PREX1: variants seen among roughly 807,000 people sequenced by gnomAD.
PREX1 encodes phosphatidylinositol 3,4,5-trisphosphate-dependent Rac exchanger 1 protein.
A neutral mutation model predicts 198.3 loss-of-function variants in PREX1; 41 were observed. The observed-to-expected ratio is 0.21, with a 90% confidence interval of 0.16 to 0.27. PREX1 has a LOEUF of 0.27. PREX1 is among the 10% of genes least tolerant of loss of function. The pLI is 1.00. For missense variants in PREX1, 1,620 were observed against 2,200.7 expected (o/e 0.74, Z 5.28); for synonymous variants, 843 against 887.2 (o/e 0.95, Z 0.89).
In PREX1 at chr20:48,760,111, CA is replaced by C. The variant is rs879506997; in HGVS notation, c.220-12232del. Among the ~76,000 whole-genome samples the C allele has an allele frequency of 3.3e-3, 442 of 134,786 alleles. 1 individual carries two copies. The highest frequency in any genetic ancestry group is 5.8e-3 in the African/African-American group (213 of 36,554). 88.4% of individuals were successfully genotyped at this position (134,786 alleles called of 152,430 possible). On this transcript the variant is annotated intron_variant, in intron 1 of 39. Coordinates refer to ENST00000371941, the MANE Select transcript of PREX1 (RefSeq NM_020820.4). ...TGGATGACAAAGCAAGACCCTGCCT[CA>C]AAAAAAAAAAAGCATTGGCTATTAT...
At chr20:48,859,186 C>CCA in the PREX1 span, among the ~76,000 whole-genome samples, 2 of 152,152 alleles carry the variant, frequency 1.3e-5, no homozygotes, top group East Asian at 3.8e-4. Flanking sequence ...CAGGTGGGAG[C>CCA]CACAGCACTT....
At chr20:48,783,183 A>G (rs1187526735) in intron 1 of PREX1, among the ~76,000 whole-genome samples, 2 of 152,172 alleles carry the variant, frequency 1.3e-5, no homozygotes, top group Non-Finnish European at 2.9e-5. Context: ...TACCATTTGT[A>G]AAGTGTGTGA....
chr20:48,826,490 A>C (rs2090509481), intron 1 of PREX1, among the ~76,000 whole-genome samples: 1 of 152,020 alleles, frequency 6.6e-6, no homozygotes, highest in Admixed American at 6.6e-5. Context: ...AAAGCCCAGT[A>C]CCCCCACTTA....
intron 39 of PREX1, among the ~76,000 whole-genome samples, chr20:48,626,272 C>T (rs1186840036): frequency 1.3e-5 from 2 of 152,206 alleles, no homozygotes; most frequent in Non-Finnish European, 2.9e-5. Flanking sequence ...CTTGCTCTAT[C>T]CTGGGAAACT....
At chr20:48,721,967 G>C (rs954677480) in intron 5 of PREX1, among the ~76,000 whole-genome samples, 1 of 152,128 alleles carries the variant, frequency 6.6e-6, no homozygotes, top group African/African-American at 2.4e-5. Flanking sequence ...GGGGATGGAG[G>C]GGGTGGTGGG....
chr20:48,661,433 AAAAAAAAAAAAATATATAT>A (rs1298205344), intron 15 of PREX1, among the ~76,000 whole-genome samples: 2 of 107,910 alleles, frequency 1.9e-5, no homozygotes, highest in Non-Finnish European at 3.4e-5. Flanking sequence ...AAAAAAAAAA[AAAAAAAAAAAAATATATAT>A]ATATATATAT....
intron 20 of PREX1, 149 bp from the exon 21 acceptor site, chr20:48,652,855 G>T: frequency 1.0e-6 from 1 of 963,988 alleles, no homozygotes; most frequent in South Asian, 1.8e-5. Context: ...CACAGTCTAT[G>T]CTCCATACAG....
chr20:48,659,644 G>C lies in PREX1; in HGVS notation c.1881+275C>G, dbSNP rs542892484. Among the ~76,000 whole-genome samples the C allele has an allele frequency of 2.1e-3, 321 of 152,208 alleles. 2 individuals are homozygous for C. Among genetic ancestry groups the C allele is most frequent in the African/African-American group, 7.4e-3 (308 of 41,526 alleles). ...GTATGCAGGATGAGTTGCTTCAGGA[G>C]GCCAACCTCTCTATACAGTGTACGG... On this transcript the variant is annotated intron_variant, in intron 16 of 39. Coordinates refer to ENST00000371941, the MANE Select transcript of PREX1 (RefSeq NM_020820.4).
intron 14 of PREX1, among the ~76,000 whole-genome samples, chr20:48,675,618 G>A (rs1331025368): frequency 1.3e-5 from 2 of 152,202 alleles, no homozygotes; most frequent in African/African-American, 2.4e-5. Context: ...GACTGGAGGA[G>A]GGGGAGTGGA....
chr20:48,670,548 A>T (rs1344886490), intron 14 of PREX1, among the ~76,000 whole-genome samples: 1 of 152,212 alleles, frequency 6.6e-6, no homozygotes, highest in Non-Finnish European at 1.5e-5. Context: ...ACACAGACCC[A>T]GAAATCACCC....
chr20:48,654,436 T>C (rs1198655904), intron 19 of PREX1, among the ~76,000 whole-genome samples: 5 of 152,250 alleles, frequency 3.3e-5, no homozygotes, highest in Admixed American at 3.3e-4. Flanking sequence ...TGTGTGGTTC[T>C]CTGGGGCTGT....
intron 1 of PREX1, among the ~76,000 whole-genome samples, chr20:48,772,459 C>T (rs535366699): frequency 6.6e-6 from 1 of 152,262 alleles, no homozygotes; most frequent in South Asian, 2.1e-4. Context: ...AAGAGATGCC[C>T]CAGCCCAAGC....
chr20:48,857,751 T>C, the PREX1 span, among the ~76,000 whole-genome samples: 3 of 152,024 alleles, frequency 2.0e-5, no homozygotes, highest in Non-Finnish European at 4.4e-5. Flanking sequence ...CCAGCCTGGG[T>C]GACAGAGTAA....
intron 9 of PREX1, among the ~76,000 whole-genome samples, chr20:48,689,971 C>G (rs1394536467): frequency 6.6e-6 from 1 of 152,010 alleles, no homozygotes; most frequent in Non-Finnish European, 1.5e-5. Context: ...ACTTGTTGAT[C>G]TATTGAATTT....
At chr20:48,644,018 G>T (rs572159524) in intron 27 of PREX1, among the ~76,000 whole-genome samples, 1 of 152,248 alleles carries the variant, frequency 6.6e-6, no homozygotes, top group East Asian at 1.9e-4. Flanking sequence ...TTGGATTTTC[G>T]GTTTACACAT....
intron 39 of PREX1, among the ~76,000 whole-genome samples, chr20:48,627,162 G>A (rs182950002): frequency 6.6e-6 from 1 of 152,142 alleles, no homozygotes; most frequent in African/African-American, 2.4e-5. Flanking sequence ...TTCCACCCCA[G>A]GTTAAAGCGA....
chr20:48,732,785 C>T (rs1330394446), intron 4 of PREX1, among the ~76,000 whole-genome samples: 1 of 152,102 alleles, frequency 6.6e-6, no homozygotes, highest in Non-Finnish European at 1.5e-5. Context: ...GAGTGCTGGC[C>T]GATGGGACGT....
intron 15 of PREX1, among the ~76,000 whole-genome samples, chr20:48,661,527 A>ATGTG (rs536771095): frequency 0.13 from 16,152 of 120,908 alleles, 1,439 homozygotes; most frequent in South Asian, 0.2. Context: ...AATATATATA[A>ATGTG]TGTGTGTGTG....
intron 1 of PREX1, among the ~76,000 whole-genome samples, chr20:48,824,484 C>G (rs2090500349): frequency 6.6e-6 from 1 of 152,200 alleles, no homozygotes; most frequent in African/African-American, 2.4e-5. Flanking sequence ...CCCCTGCTCT[C>G]TGGATGCTGA....
Sources: allele counts gnomAD v4.1 joint callset (sites outside exome capture counted in the v4.1 genomes callset), GRCh38; gene constraint gnomAD v4.1.1; transcripts MANE v1.5; gene names NCBI Gene and HGNC (gene_info 2026-07-23, HGNC 2026-07-21).